ACYP2: variants seen among roughly 807,000 people sequenced by gnomAD.
The protein encoded by ACYP2 is acylphosphatase-2.
In ACYP2, 12 loss-of-function variants were observed where a neutral mutation model predicts 11.2. The ratio of observed to expected loss-of-function variants is 1.08; its 90% CI spans 0.69 to 1.74. The LOEUF (loss-of-function observed/expected upper bound fraction) is 1.74. ACYP2 is among the 40% of genes most tolerant of loss of function. The pLI, the probability that ACYP2 is intolerant of heterozygous loss-of-function variation, is 0.00. For missense variants in ACYP2, 134 were observed against 101.9 expected (o/e 1.31, Z -1.35); for synonymous variants, 43 against 32.2 (o/e 1.33, Z -1.13).
intron 6 of ACYP2, among the ~76,000 whole-genome samples, chr2:54,266,586 C>CTTTTTTTTTTTTTTTT (rs1558655770): frequency 1.0e-5 from 1 of 99,176 alleles, no homozygotes; most frequent in African/African-American, 3.9e-5. Flanking sequence ...AGATATCTAT[C>CTTTTTTTTTTTTTTTT]TATCTTTTTT....
intron 2 of ACYP2, among the ~76,000 whole-genome samples, chr2:54,004,600 A>G (rs1019900894): frequency 6.6e-6 from 1 of 150,592 alleles, no homozygotes; most frequent in Non-Finnish European, 1.5e-5. Context: ...TTTAGTAGAG[A>G]CGGGTTTCAC....
chr2:54,121,352 C>A (rs551628198), intron 4 of ACYP2, among the ~76,000 whole-genome samples: 8 of 152,230 alleles, frequency 5.3e-5, no homozygotes, highest in African/African-American at 1.7e-4. Flanking sequence ...GGCTAAAAGG[C>A]ATCGAGGAAG....
chr2:54,113,134 T>C (rs915487524), intron 4 of ACYP2, among the ~76,000 whole-genome samples: 1 of 152,172 alleles, frequency 6.6e-6, no homozygotes, highest in Admixed American at 6.6e-5. Flanking sequence ...TTTTAAGTCA[T>C]CTCTAGATTA....
chr2:54,015,598 A>G (rs1326565230), intron 2 of ACYP2, among the ~76,000 whole-genome samples: 4 of 151,344 alleles, frequency 2.6e-5, no homozygotes, highest in Non-Finnish European at 4.4e-5. Context: ...TCAGCGAGCC[A>G]TGATTGTGCC....
intron 6 of ACYP2, among the ~76,000 whole-genome samples, chr2:54,164,679 C>G (rs1466241899): frequency 6.6e-6 from 1 of 152,148 alleles, no homozygotes; most frequent in Non-Finnish European, 1.5e-5. Context: ...CCTCTTGTGG[C>G]AAACAGCGTT....
intron 4 of ACYP2, among the ~76,000 whole-genome samples, chr2:54,063,750 C>T (rs746737559): frequency 1.6e-4 from 24 of 152,174 alleles, no homozygotes; most frequent in Non-Finnish European, 2.9e-4. Context: ...TATGCTCATA[C>T]CTTTGTAAAT....
chr2:54,135,959 G>A (rs2103776892), intron 5 of ACYP2, among the ~76,000 whole-genome samples: 1 of 152,362 alleles, frequency 6.6e-6, no homozygotes, highest in Non-Finnish European at 1.5e-5. Context: ...GTACAGTGGT[G>A]CGATCTCAGC....
At chr2:54,068,915 T>G (rs954162595) in intron 4 of ACYP2, among the ~76,000 whole-genome samples, 2 of 152,104 alleles carry the variant, frequency 1.3e-5, no homozygotes, top group Non-Finnish European at 2.9e-5. Flanking sequence ...TTATTTTCAT[T>G]TTTAATTTAT....
intron 6 of ACYP2, among the ~76,000 whole-genome samples, chr2:54,181,729 G>C (rs13393594): frequency 0.016 from 2,466 of 152,210 alleles, 65 homozygotes; most frequent in African/African-American, 0.056. Flanking sequence ...ATGGTGAATA[G>C]AATAAACAGT....
At chr2:54,104,570 T>A (rs1259444255) in intron 4 of ACYP2, among the ~76,000 whole-genome samples, 1 of 152,202 alleles carries the variant, frequency 6.6e-6, no homozygotes, top group Non-Finnish European at 1.5e-5. Flanking sequence ...GCCTGAGTGA[T>A]ACACCAAATA....
intron 2 of ACYP2, among the ~76,000 whole-genome samples, chr2:53,980,687 A>G (rs935996576): frequency 1.2e-4 from 18 of 152,120 alleles, no homozygotes; most frequent in Admixed American, 3.9e-4. Flanking sequence ...TCAGTCACTG[A>G]CATAACCTAG....
intron 6 of ACYP2, among the ~76,000 whole-genome samples, chr2:54,300,953 T>C (rs772469561): frequency 1.3e-5 from 2 of 152,260 alleles, no homozygotes; most frequent in Non-Finnish European, 2.9e-5. Flanking sequence ...ATTATGAGTA[T>C]GAGTGAGAAT....
chr2:54,304,715 C>T lies in ACYP2; in HGVS notation c.432C>T (p.Ser144=). 1 of 1,611,198 alleles carries T rather than the reference C, an allele frequency of 6.2e-7. No homozygotes were observed. The highest frequency in any genetic ancestry group is 1.1e-5 in the South Asian group (1 of 90,684). The change falls in exon 7 of 7, where the codon AGC becomes AGT. Residue 144 remains serine (S), a synonymous_variant. Transcript: ENST00000607452. ...AGTCCTGGCTGAGCAAGGTTGGAAG[C>T]CCTAGTTCTCGCATTGACCGCACAA...
At chr2:54,132,180 A>G (rs1468566614) in intron 4 of ACYP2, among the ~76,000 whole-genome samples, 1 of 151,644 alleles carries the variant, frequency 6.6e-6, no homozygotes, top group Non-Finnish European at 1.5e-5. Flanking sequence ...AAAAAGACGC[A>G]CACTTTTGCC....
chr2:54,096,426 G>A (rs927342475), intron 4 of ACYP2, among the ~76,000 whole-genome samples: 1 of 152,194 alleles, frequency 6.6e-6, no homozygotes, highest in Non-Finnish European at 1.5e-5. Context: ...CTTCCCAGAC[G>A]GGGTGGCGGC....
At position 54,074,576 on chromosome 2, in the gene ACYP2, ATTTGTGTGTG is replaced by A. The variant is rs1204438109; in HGVS notation, c.277+17218_277+17227del. ...GTTAATTATATATAAATAGAACAGAATTTGTGTGTGTGTGTGTGTGTGTGTGTGTGTGTGT... is the reference window on the plus strand; with the variant it reads ...GTTAATTATATATAAATAGAACAGAATGTGTGTGTGTGTGTGTGTGTGTGT... On this transcript the variant is annotated intron_variant, in intron 4 of 6. Coordinates refer to ENST00000607452, the MANE Select transcript of ACYP2 (RefSeq NM_001320586.2). Among the ~76,000 whole-genome samples, 265 of 125,448 alleles carry A rather than the reference ATTTGTGTGTG, an allele frequency of 2.1e-3. 3 individuals carry two copies. Among genetic ancestry groups the A allele is most frequent in the African/African-American group, 8.5e-3 (256 of 30,048 alleles). The allele number at this position is 125,448 out of a possible 152,430, so 82.3% of individuals were successfully genotyped here.
chr2:54,007,894 A>T (rs1004754657), intron 2 of ACYP2, among the ~76,000 whole-genome samples: 1 of 151,816 alleles, frequency 6.6e-6, no homozygotes, highest in Non-Finnish European at 1.5e-5. Context: ...AAACAAATGA[A>T]AAAAAAAAGG....
At chr2:54,284,192 C>A (rs1324347345) in intron 6 of ACYP2, among the ~76,000 whole-genome samples, 1 of 152,206 alleles carries the variant, frequency 6.6e-6, no homozygotes, top group African/African-American at 2.4e-5. Flanking sequence ...AAGCCAGACT[C>A]ATAAAAAGCA....
intron 6 of ACYP2, among the ~76,000 whole-genome samples, chr2:54,298,244 G>A (rs549277438): frequency 6.6e-6 from 1 of 152,078 alleles, no homozygotes; most frequent in Non-Finnish European, 1.5e-5. Flanking sequence ...TGTAGAAAAG[G>A]ATAAATTATT....
Sources: gnomAD v4.1 joint callset for allele counts (sites outside exome capture counted in the v4.1 genomes callset) on GRCh38, gnomAD v4.1.1 for gene constraint, MANE v1.5 for transcripts, NCBI Gene and HGNC (gene_info 2026-07-23, HGNC 2026-07-21) for gene names.